Variants in ALOX5 observed in about 807,000 individuals in gnomAD.
The protein encoded by ALOX5 is arachidonate 5-lipoxygenase.
In ALOX5, 64 loss-of-function variants were observed where a neutral mutation model predicts 87.9. The ratio of observed to expected loss-of-function variants is 0.73; its 90% CI spans 0.60 to 0.90. The LOEUF is 0.90. Ranked by LOEUF, ALOX5 falls within the 40% of genes least tolerant of loss-of-function variation. The pLI, the probability that ALOX5 is intolerant of heterozygous loss-of-function variation, is 0.00. For missense variants in ALOX5, 822 were observed against 907.5 expected (o/e 0.91, Z 1.21); for synonymous variants, 388 against 355.1 (o/e 1.09, Z -1.04).
At chr10:45,393,898 G>A (rs920000939) in intron 2 of ALOX5, among the ~76,000 whole-genome samples, 6 of 152,158 alleles carry the variant, frequency 3.9e-5, no homozygotes, top group African/African-American at 1.4e-4. Flanking sequence ...CAACTTACAA[G>A]GGATGTGAAG....
chr10:45,417,127 CCT>C (rs993838811), intron 4 of ALOX5, among the ~76,000 whole-genome samples: 17 of 151,980 alleles, frequency 1.1e-4, no homozygotes, highest in African/African-American at 3.9e-4. Flanking sequence ...CCACCTGGCC[CCT>C]GAGTGCCCCT....
intron 1 of ALOX5, among the ~76,000 whole-genome samples, chr10:45,380,064 G>A (rs1178195740): frequency 6.6e-6 from 1 of 152,182 alleles, no homozygotes; most frequent in Non-Finnish European, 1.5e-5. Context: ...CTCCAGATGG[G>A]CCCGAGCCCC....
intron 12 of ALOX5, 53 bp from the exon 13 acceptor site, chr10:45,444,063 C>T: frequency 6.7e-7 from 1 of 1,490,376 alleles, no homozygotes; most frequent in Non-Finnish European, 9.0e-7. Context: ...CAGGGGGCAG[C>T]TGGGCAGCAG....
At chr10:45,430,268 TC>T (rs764856421) in intron 7 of ALOX5, among the ~76,000 whole-genome samples, 1 of 152,198 alleles carries the variant, frequency 6.6e-6, no homozygotes, top group Non-Finnish European at 1.5e-5. Context: ...CACAGAATGT[TC>T]CTGGGTCTCT....
At chr10:45,390,032 G>T (rs1312479271) in intron 2 of ALOX5, among the ~76,000 whole-genome samples, 1 of 152,150 alleles carries the variant, frequency 6.6e-6, no homozygotes, top group African/African-American at 2.4e-5. Flanking sequence ...AAAGGCAGGG[G>T]TTGCAATCCT....
chr10:45,410,851 C>G (rs1251775003), intron 3 of ALOX5, among the ~76,000 whole-genome samples: 1 of 152,174 alleles, frequency 6.6e-6, no homozygotes, highest in African/African-American at 2.4e-5. Flanking sequence ...GTTCTTGGAC[C>G]TCCACAGGAA....
At chr10:45,394,486 T>TA (rs1305886682) in intron 2 of ALOX5, among the ~76,000 whole-genome samples, 1 of 152,172 alleles carries the variant, frequency 6.6e-6, no homozygotes, top group African/African-American at 2.4e-5. Context: ...ATGTTAGACC[T>TA]AAAACCATCA....
At position 45,443,230 on chromosome 10, in the gene ALOX5, G is replaced by A; in HGVS notation, c.1451+14G>A. ...AGCCATCAGGACGTGAGCGCCCGCG[G>A]GGCGGTGGTCCTGGGGGAGGAGCCG... On this transcript the variant is annotated intron_variant, in intron 10 of 13. Transcript: ENST00000374391. 1 of 1,609,800 alleles carries A rather than the reference G, an allele frequency of 6.2e-7. No individual in the cohort carries two copies. Among genetic ancestry groups the A allele is most frequent in the Non-Finnish European group, 8.5e-7 (1 of 1,177,840 alleles).
At chr10:45,432,959 G>A (rs1370152227) in intron 7 of ALOX5, among the ~76,000 whole-genome samples, 2 of 152,106 alleles carry the variant, frequency 1.3e-5, no homozygotes, top group African/African-American at 4.8e-5. Flanking sequence ...ACATTGACGG[G>A]AAAATACCAA....
chr10:45,429,497 G>A (rs980076535), intron 7 of ALOX5, among the ~76,000 whole-genome samples: 5 of 152,184 alleles, frequency 3.3e-5, no homozygotes, highest in Non-Finnish European at 7.3e-5. Context: ...CTATCCTATG[G>A]GTTAACCTGC....
At chr10:45,422,339 CT>C (rs1330611446) in intron 4 of ALOX5, among the ~76,000 whole-genome samples, 1 of 152,314 alleles carries the variant, frequency 6.6e-6, no homozygotes, top group East Asian at 1.9e-4. Context: ...GACTCCCCAG[CT>C]TTCCCCATGA....
intron 6 of ALOX5, 69 bp from the exon 7 acceptor site, chr10:45,428,549 C>A: frequency 6.3e-7 from 1 of 1,592,884 alleles, no homozygotes; most frequent in South Asian, 1.1e-5. Flanking sequence ...GGTCATCACT[C>A]TTTCCCCAGG....
chr10:45,387,604 C>T (rs1416995382), intron 2 of ALOX5, among the ~76,000 whole-genome samples: 1 of 152,148 alleles, frequency 6.6e-6, no homozygotes, highest in Non-Finnish European at 1.5e-5. Flanking sequence ...AATGCACACG[C>T]AGGCCAGAGT....
Position 45,392,519 on chromosome 10 carries a change from T to C in ALOX5, c.350-3336T>C, listed in dbSNP as rs1200600570. Among the ~76,000 whole-genome samples the C allele has an allele frequency of 2.6e-5, 4 of 151,684 alleles. No individual in the cohort carries two copies. The East Asian group carries it at 5.8e-4, about 22-fold the overall frequency. ...AGATGCTTGAAGGCAGCAGGCTCCT[T>C]AAGAGTCATCACCACTCCCTAATCT... On this transcript the variant is annotated intron_variant, in intron 2 of 13. Transcript: ENST00000374391.
chr10:45,401,930 A>G (rs1215789031), intron 3 of ALOX5, among the ~76,000 whole-genome samples: 1 of 151,994 alleles, frequency 6.6e-6, no homozygotes, highest in Admixed American at 6.6e-5. Flanking sequence ...ACTAAAAAAT[A>G]CAAAAAATTA....
Position 45,443,472 on chromosome 10 carries a change from A to G in ALOX5, c.1508A>G (p.Asp503Gly). ...GAGGGCGACCAGGTGGTGGAGGAGG[A>G]CCCGGAGCTGCAGGACTTCGTGAAC... ...YYEGDQVVEE[D>G]PELQDFVNDV... Residue 503 changes from aspartate (D) to glycine (G), a missense_variant, in exon 11 of 14, where the codon GAC becomes GGC. Transcript: ENST00000374391. 4 of 1,612,846 alleles carry G rather than the reference A, an allele frequency of 2.5e-6. No homozygotes were observed. The highest frequency in any genetic ancestry group is 3.4e-6 in the Non-Finnish European group (4 of 1,179,480).
At position 45,424,062 on chromosome 10, in the gene ALOX5, C is replaced by T; in HGVS notation, c.576C>T (p.Asn192=). The change falls in exon 5 of 14, where the codon AAC becomes AAT. Residue 192 remains asparagine (N), a synonymous_variant. Transcript: ENST00000374391. ...YSKAMENLFI[N]RFMHMFQSSW... ...GCAGGATGGAGAACCTGTTCATCAA[C>T]CGCTTCATGCACATGTTCCAGTCTT... The T allele has an allele frequency of 1.9e-6, 3 of 1,614,198 alleles. No homozygotes were observed. The South Asian group carries it at 3.3e-5, about 18-fold the overall frequency.
intron 7 of ALOX5, among the ~76,000 whole-genome samples, chr10:45,434,586 G>A (rs1331584751): frequency 6.6e-6 from 1 of 152,208 alleles, no homozygotes; most frequent in Non-Finnish European, 1.5e-5. Context: ...GACCGATAAA[G>A]GATACATATC....
intron 4 of ALOX5, among the ~76,000 whole-genome samples, chr10:45,420,884 G>A (rs767914263): frequency 2.0e-5 from 3 of 152,246 alleles, no homozygotes; most frequent in Non-Finnish European, 4.4e-5. Flanking sequence ...CCAGTGAGGC[G>A]GGACAGTGCA....
Sources: gnomAD v4.1 joint callset for allele counts (sites outside exome capture counted in the v4.1 genomes callset) on GRCh38, gnomAD v4.1.1 for gene constraint, MANE v1.5 for transcripts, NCBI Gene and HGNC (gene_info 2026-07-23, HGNC 2026-07-21) for gene names.